CPSF3: variants seen among roughly 807,000 people sequenced by gnomAD.
CPSF3 encodes the protein cleavage and polyadenylation specificity factor subunit 3.
In CPSF3, 57 loss-of-function variants were observed where a neutral mutation model predicts 84.1. That is an observed-to-expected ratio of 0.68 (90% CI 0.55 to 0.85). CPSF3 has a LOEUF of 0.85. Ranked by LOEUF, CPSF3 falls within the 40% of genes least tolerant of loss-of-function variation. The probability of loss-of-function intolerance (pLI) is 0.00; values close to 1 mark genes in which losing one functional copy is unlikely to be tolerated. For synonymous variants in CPSF3, 275 were observed against 278.1 expected, an observed-to-expected ratio of 0.99 and a Z score of 0.11; for missense variants, 522 against 838.8, an observed-to-expected ratio of 0.62 and a Z score of 4.66.
At chr2:9,464,065 GTGTA>G (rs1333909291) in intron 15 of CPSF3, among the ~76,000 whole-genome samples, 1 of 149,162 alleles carries the variant, frequency 6.7e-6, no homozygotes, top group African/African-American at 2.6e-5. Flanking sequence ...TGTATCTGTG[GTGTA>G]TGTGTGTGTG....
At chr2:9,451,803 G>A (rs929062530) in intron 11 of CPSF3, among the ~76,000 whole-genome samples, 4 of 146,482 alleles carry the variant, frequency 2.7e-5, no homozygotes, top group African/African-American at 7.7e-5. Context: ...TGCAAGCTCC[G>A]CCTCCCAGGT....
At chr2:9,444,612 G>A (rs1242347178) in intron 10 of CPSF3, among the ~76,000 whole-genome samples, 1 of 151,988 alleles carries the variant, frequency 6.6e-6, no homozygotes, top group Non-Finnish European at 1.5e-5. Flanking sequence ...AGGAGAAATG[G>A]CCTTTTGTTA....
intron 11 of CPSF3, among the ~76,000 whole-genome samples, chr2:9,451,756 C>CG (rs1386051235): frequency 2.1e-4 from 29 of 141,402 alleles, no homozygotes; most frequent in Admixed American, 1.7e-3. Context: ...CTCGCTCTGT[C>CG]TCCAGGCTGG....
intron 15 of CPSF3, among the ~76,000 whole-genome samples, chr2:9,466,334 G>A (rs12987859): frequency 2.3e-3 from 113 of 48,372 alleles, no homozygotes; most frequent in African/African-American, 8.1e-3. Context: ...ACAGACGCAC[G>A]CACACACGCG....
At chr2:9,424,362 C>T in intron 1 of CPSF3, 1 of 693,762 alleles carries the variant, frequency 1.4e-6, no homozygotes, top group Non-Finnish European at 1.8e-6. Flanking sequence ...AGGTGTAAAG[C>T]TGGAGAAGAG....
intron 5 of CPSF3, 128 bp from the exon 6 acceptor site, chr2:9,433,739 CTGCA>C: frequency 1.6e-6 from 1 of 641,546 alleles, no homozygotes; most frequent in Non-Finnish European, 2.8e-6. Context: ...GACACAAGCA[CTGCA>C]TGTAAATTTC....
At chr2:9,430,396 T>C (rs1331813397) in intron 3 of CPSF3, among the ~76,000 whole-genome samples, 2 of 152,200 alleles carry the variant, frequency 1.3e-5, no homozygotes, top group Non-Finnish European at 2.9e-5. Context: ...AGAGTTCATA[T>C]AGAAAAATGT....
chr2:9,440,719 G>A (rs1356728205), intron 8 of CPSF3, 53 bp downstream of exon 8: 16 of 1,574,704 alleles, frequency 1.0e-5, no homozygotes, highest in South Asian at 4.5e-5. Flanking sequence ...TCAGTCATTA[G>A]TAGTAGGAGG....
At chr2:9,464,980 GCCT>G (rs952912627) in intron 15 of CPSF3, among the ~76,000 whole-genome samples, 4 of 152,072 alleles carry the variant, frequency 2.6e-5, no homozygotes, top group African/African-American at 7.2e-5. Flanking sequence ...TCCCTTCTCA[GCCT>G]CCCAAAGTGC....
At chr2:9,435,801 C>T (rs1160026987) in intron 6 of CPSF3, among the ~76,000 whole-genome samples, 8 of 152,026 alleles carry the variant, frequency 5.3e-5, no homozygotes, top group Non-Finnish European at 7.4e-5. Context: ...GGTGCGATCT[C>T]GGCTCACTGC....
intron 7 of CPSF3, among the ~76,000 whole-genome samples, chr2:9,436,868 G>A (rs995907251): frequency 2.6e-5 from 4 of 151,886 alleles, no homozygotes; most frequent in South Asian, 2.1e-4. Flanking sequence ...GTGAACTGGC[G>A]ACCCCTTCCG....
chr2:9,471,493 C>A (rs1456071922), intron 17 of CPSF3, 54 bp downstream of exon 17: 1 of 1,059,022 alleles, frequency 9.4e-7, no homozygotes, highest in Non-Finnish European at 1.5e-6. Flanking sequence ...AAAGTGAAGG[C>A]ATAAATAATC....
chr2:9,425,151 T>C (rs1288745543), intron 1 of CPSF3, among the ~76,000 whole-genome samples: 1 of 152,208 alleles, frequency 6.6e-6, no homozygotes, highest in Non-Finnish European at 1.5e-5. Context: ...CCCAGGATGT[T>C]CTAGGCAGTG....
chr2:9,453,590 A>G (rs1681408412), intron 12 of CPSF3, among the ~76,000 whole-genome samples: 1 of 152,198 alleles, frequency 6.6e-6, no homozygotes, highest in South Asian at 2.1e-4. Flanking sequence ...GAAGCTCATT[A>G]TAGAGAAAAA....
intron 7 of CPSF3, among the ~76,000 whole-genome samples, chr2:9,436,644 T>C (rs1210969642): frequency 1.3e-5 from 2 of 152,042 alleles, no homozygotes; most frequent in South Asian, 2.1e-4. Context: ...CAGTGACAGA[T>C]GCCTGTAATC....
intron 7 of CPSF3, among the ~76,000 whole-genome samples, chr2:9,437,993 C>A (rs1172901008): frequency 6.6e-6 from 1 of 152,160 alleles, no homozygotes; most frequent in Non-Finnish European, 1.5e-5. Flanking sequence ...CACAATGAGA[C>A]CCTGTCTCAA....
intron 1 of CPSF3, among the ~76,000 whole-genome samples, chr2:9,428,337 TAAAG>T (rs992088213): frequency 2.0e-5 from 3 of 152,180 alleles, no homozygotes; most frequent in African/African-American, 7.2e-5. Flanking sequence ...ATTATGATCT[TAAAG>T]AAGATGACAG....
chr2:9,455,210 C>T (rs540281236), intron 12 of CPSF3, among the ~76,000 whole-genome samples: 5 of 151,228 alleles, frequency 3.3e-5, no homozygotes, highest in African/African-American at 1.2e-4. Context: ...GATCTCGGCT[C>T]ACTTCTGCCT....
At chr2:9,466,232 A>G (rs940399490) in intron 15 of CPSF3, among the ~76,000 whole-genome samples, 1 of 146,144 alleles carries the variant, frequency 6.8e-6, no homozygotes, top group Admixed American at 6.8e-5. Flanking sequence ...GCACACACAC[A>G]CGTGCGCGCA....
Sources: allele counts gnomAD v4.1 joint callset (sites outside exome capture counted in the v4.1 genomes callset), GRCh38; gene constraint gnomAD v4.1.1; transcripts MANE v1.5; gene names NCBI Gene and HGNC (gene_info 2026-07-23, HGNC 2026-07-21).